OPCML: variants seen among roughly 807,000 people sequenced by gnomAD.
The protein encoded by OPCML is opioid binding protein/cell adhesion molecule like.
OPCML carries 13 observed loss-of-function variants against 37.8 expected under a neutral mutation model. That is an observed-to-expected ratio of 0.34 (90% CI 0.22 to 0.55). OPCML has a LOEUF of 0.55. Among genes scored for constraint, OPCML ranks in the 20% least tolerant of loss-of-function variants. The pLI is 0.91. For synonymous variants in OPCML, 176 were observed against 168.8 expected (o/e 1.04, Z -0.33); for missense variants, 341 against 435.6 (o/e 0.78, Z 1.93).
chr11:133,057,667 A>G (rs1314402977), intron 1 of OPCML, among the ~76,000 whole-genome samples: 1 of 152,116 alleles, frequency 6.6e-6, no homozygotes, highest in Non-Finnish European at 1.5e-5. Context: ...AAAGGACAGA[A>G]ATGACTCCCA....
At chr11:133,367,608 T>G (rs902961096) in intron 1 of OPCML, among the ~76,000 whole-genome samples, 2 of 152,256 alleles carry the variant, frequency 1.3e-5, no homozygotes, top group African/African-American at 4.8e-5. Flanking sequence ...AGCAGTGCTT[T>G]GGAGAAGGGT....
chr11:133,385,185 C>T (rs2136792112), intron 1 of OPCML, among the ~76,000 whole-genome samples: 1 of 152,296 alleles, frequency 6.6e-6, no homozygotes, highest in African/African-American at 2.4e-5. Flanking sequence ...GGGCCGTGTG[C>T]TGAGGGCTGG....
chr11:132,794,675 C>A (rs1223522203), intron 2 of OPCML, among the ~76,000 whole-genome samples: 1 of 152,102 alleles, frequency 6.6e-6, no homozygotes, highest in African/African-American at 2.4e-5. Flanking sequence ...AGAACCCCTG[C>A]AAATAACCAC....
intron 1 of OPCML, among the ~76,000 whole-genome samples, chr11:133,185,732 G>A (rs1165412029): frequency 6.6e-6 from 1 of 152,134 alleles, no homozygotes; most frequent in Non-Finnish European, 1.5e-5. Flanking sequence ...TTGATCTGGT[G>A]CCTTTCTTTG....
intron 1 of OPCML, among the ~76,000 whole-genome samples, chr11:133,274,650 G>A (rs1190415276): frequency 6.6e-6 from 1 of 152,164 alleles, no homozygotes; most frequent in Non-Finnish European, 1.5e-5. Flanking sequence ...ACAGCCCCTC[G>A]GTGCTGGGCT....
At chr11:133,338,398 T>G (rs760713360) in intron 1 of OPCML, among the ~76,000 whole-genome samples, 4 of 152,148 alleles carry the variant, frequency 2.6e-5, no homozygotes, top group Non-Finnish European at 4.4e-5. Flanking sequence ...CTGTCTGGGA[T>G]ACCATGCTGC....
rs57997683 is a variant in OPCML at position 133,252,844 on chromosome 11, T to C, written c.61+279420A>G. 7.4e-4 allele frequency among the ~76,000 whole-genome samples: 112 copies of C among 152,286 alleles called. No homozygotes were observed. In the East Asian group the frequency reaches 0.021, roughly 29 times the overall value. On this transcript the variant is annotated intron_variant, in intron 1 of 7. Coordinates refer to ENST00000524381, the MANE Select transcript of OPCML (RefSeq NM_001012393.5). Reference sequence around the variant, plus strand: ...CCCAGATTATGTGAATCCCAGGTTCTACTATAGAAATAGTCTTCTTCGGCC... The same window carrying C: ...CCCAGATTATGTGAATCCCAGGTTCCACTATAGAAATAGTCTTCTTCGGCC...
At chr11:133,308,913 A>T (rs1943000934) in intron 1 of OPCML, among the ~76,000 whole-genome samples, 5 of 152,210 alleles carry the variant, frequency 3.3e-5, no homozygotes, top group Admixed American at 3.3e-4. Flanking sequence ...TTGAAAAGTG[A>T]AAAAATAGCA....
intron 3 of OPCML, among the ~76,000 whole-genome samples, chr11:132,585,145 T>C (rs1400366848): frequency 6.9e-6 from 1 of 144,658 alleles, no homozygotes; most frequent in African/African-American, 2.9e-5. Flanking sequence ...CCACTTTTGG[T>C]CAACCTCTCA....
chr11:133,028,202 G>A (rs1172411924), intron 1 of OPCML, among the ~76,000 whole-genome samples: 1 of 151,822 alleles, frequency 6.6e-6, no homozygotes. Flanking sequence ...TATTTCTGGA[G>A]TCTAATTTCT....
intron 3 of OPCML, among the ~76,000 whole-genome samples, chr11:132,581,569 T>C (rs1305494803): frequency 1.3e-5 from 2 of 152,170 alleles, no homozygotes; most frequent in Admixed American, 6.5e-5. Flanking sequence ...GGCTAAGCAA[T>C]GGGGATGGGG....
intron 3 of OPCML, among the ~76,000 whole-genome samples, chr11:132,577,358 T>C (rs1565679516): frequency 6.6e-6 from 1 of 152,160 alleles, no homozygotes; most frequent in Non-Finnish European, 1.5e-5. Flanking sequence ...TAAAATATTA[T>C]CTTTAATTTT....
At chr11:132,532,102 G>T (rs2096327151) in intron 3 of OPCML, among the ~76,000 whole-genome samples, 1 of 152,108 alleles carries the variant, frequency 6.6e-6, no homozygotes, top group Admixed American at 6.5e-5. Context: ...AAGGATGCTG[G>T]ATTAAGAGAT....
intron 1 of OPCML, among the ~76,000 whole-genome samples, chr11:133,106,942 CTGCCA>C (rs1377936283): frequency 4.6e-5 from 7 of 152,262 alleles, no homozygotes; most frequent in African/African-American, 1.7e-4. Flanking sequence ...CCTTTGTTAA[CTGCCA>C]TGAAGGGAAA....
intron 1 of OPCML, among the ~76,000 whole-genome samples, chr11:133,127,677 T>A (rs1451598694): frequency 1.3e-5 from 2 of 151,722 alleles, no homozygotes; most frequent in Non-Finnish European, 2.9e-5. Flanking sequence ...TTACTAATTA[T>A]CTACAATGTG....
intron 1 of OPCML, among the ~76,000 whole-genome samples, chr11:133,045,093 C>T (rs1445934491): frequency 1.3e-5 from 2 of 152,172 alleles, no homozygotes; most frequent in Non-Finnish European, 2.9e-5. Context: ...GTCGAAGAAG[C>T]CCAGGAAGCC....
At chr11:133,356,837 C>T (rs888762370) in intron 1 of OPCML, among the ~76,000 whole-genome samples, 9 of 152,138 alleles carry the variant, frequency 5.9e-5, no homozygotes, top group East Asian at 3.8e-4. Flanking sequence ...TTTAAAAGCG[C>T]GTGTCCATGC....
intron 1 of OPCML, among the ~76,000 whole-genome samples, chr11:133,500,388 C>T (rs1841863296): frequency 6.6e-6 from 1 of 152,200 alleles, no homozygotes; most frequent in Non-Finnish European, 1.5e-5. Context: ...ATCCTGGCTT[C>T]TGTCAGCTTC....
chr11:133,029,902 A>G (rs1015315209), intron 1 of OPCML, among the ~76,000 whole-genome samples: 1 of 152,158 alleles, frequency 6.6e-6, no homozygotes. Context: ...TATCTATAGC[A>G]ATCTAAGTAG....
Sources: allele counts gnomAD v4.1 joint callset (sites outside exome capture counted in the v4.1 genomes callset), GRCh38; gene constraint gnomAD v4.1.1; transcripts MANE v1.5; gene names NCBI Gene and HGNC (gene_info 2026-07-23, HGNC 2026-07-21).